The following USH2A variants were observed in gnomAD, a reference collection of about 807,000 sequenced individuals.
USH2A encodes the protein usherin.
A neutral mutation model predicts 538.9 loss-of-function variants in USH2A; 443 were observed. The ratio of observed to expected loss-of-function variants is 0.82; its 90% CI spans 0.76 to 0.89. USH2A has a LOEUF of 0.89. Among genes scored for constraint, USH2A ranks in the 40% least tolerant of loss-of-function variants. The pLI is 0.00. For synonymous variants in USH2A, 2,413 were observed against 2,273.5 expected, an observed-to-expected ratio of 1.06 and a Z score of -1.75; for missense variants, 6,633 against 6,324.8, an observed-to-expected ratio of 1.05 and a Z score of -1.65.
In USH2A at chr1:216,012,121, G is replaced by C. The variant is rs1243670799; in HGVS notation, c.6326-11559C>G. ...CCTGCCTCAGCCTCCCCAGTAGCTG[G>C]GACTACAGGCGCCCACGCTTGATTT... On this transcript the variant is annotated intron_variant, in intron 32 of 71. Transcript: ENST00000307340. Among the ~76,000 whole-genome samples, 45 of 45,766 alleles carry C rather than the reference G, an allele frequency of 9.8e-4. 19 individuals are homozygous for C. 30.0% of individuals were successfully genotyped at this position (45,766 alleles called of 152,430 possible).
intron 15 of USH2A, among the ~76,000 whole-genome samples, chr1:216,210,129 C>A (rs181046646): frequency 2.0e-5 from 3 of 152,188 alleles, no homozygotes; most frequent in African/African-American, 7.2e-5. Context: ...TGCAGGGTTT[C>A]CCCACTCAGT....
At chr1:215,814,537 C>T (rs1334015022) in intron 48 of USH2A, among the ~76,000 whole-genome samples, 1 of 151,914 alleles carries the variant, frequency 6.6e-6, no homozygotes, top group African/African-American at 2.4e-5. Context: ...AGGAAAGAGA[C>T]TTTTATTGTA....
intron 9 of USH2A, among the ~76,000 whole-genome samples, chr1:216,313,118 CAGA>C (rs1401309988): frequency 6.6e-6 from 1 of 152,154 alleles, no homozygotes; most frequent in Non-Finnish European, 1.5e-5. Flanking sequence ...CAGGAATTCT[CAGA>C]AGGAGTGCAC....
intron 16 of USH2A, among the ~76,000 whole-genome samples, chr1:216,204,704 T>C (rs2035074298): frequency 6.6e-6 from 1 of 152,200 alleles, no homozygotes; most frequent in Non-Finnish European, 1.5e-5. Flanking sequence ...TGAATATAAG[T>C]AGTGTTTCCT....
At chr1:216,298,353 T>C (rs1339783592) in intron 9 of USH2A, among the ~76,000 whole-genome samples, 1 of 152,230 alleles carries the variant, frequency 6.6e-6, no homozygotes, top group African/African-American at 2.4e-5. Flanking sequence ...TTTTTGCTTT[T>C]TGATTATAAT....
Position 215,674,557 on chromosome 1 carries a change from A to C in USH2A, c.13354T>G (p.Leu4452Val). 1.2e-6 allele frequency: 2 copies of C among 1,613,946 alleles called. 1 individual carries two copies. The highest frequency in any genetic ancestry group is 2.2e-5 in the South Asian group (2 of 91,068). The change falls in exon 63 of 72, where the codon TTG (leucine) becomes GTG (valine). Residue 4452 changes from leucine to valine, a missense_variant. By Grantham distance (32) the Leu-to-Val change is conservative. Transcript: ENST00000307340. ...ALPENMDSPT[L>V]QVTGSESIEI... ...ATTGATTCTGAGCCTGTGACTTGCA[A>C]TGTTGGAGAGTCCATGTTCTCTGGC...
intron 21 of USH2A, among the ~76,000 whole-genome samples, chr1:216,114,244 A>T (rs970935057): frequency 5.3e-5 from 8 of 151,924 alleles, no homozygotes; most frequent in Non-Finnish European, 1.0e-4. Context: ...ATCTTATTGT[A>T]CTTCTGTTAT....
At chr1:215,909,022 T>A (rs146691168) in intron 38 of USH2A, among the ~76,000 whole-genome samples, 14 of 149,552 alleles carry the variant, frequency 9.4e-5, no homozygotes, top group South Asian at 8.3e-4. Flanking sequence ...TCATTAAATA[T>A]ATTATATATC....
Position 216,083,705 on chromosome 1 carries a change from G to T in USH2A, c.5168-119C>A, listed in dbSNP as rs559917458. 3.8e-4 allele frequency: 384 copies of T among 1,004,554 alleles called. No individual in the cohort carries two copies. In the African/African-American group the frequency reaches 5.6e-3, roughly 15 times the overall value. 62.2% of individuals were successfully genotyped at this position (1,004,554 alleles called of 1,614,324 possible). ...CTGAGTAAATCTCACAAAAGAAGAT[G>T]CAAATCAATGTTAAGAAATTCCTTT... On this transcript the variant is annotated intron_variant, in intron 25 of 71. Coordinates refer to ENST00000307340, the MANE Select transcript of USH2A (RefSeq NM_206933.4).
At chr1:215,639,123 G>A (rs1656593200) in intron 69 of USH2A, 32 bp downstream of exon 69, 1 of 1,599,830 alleles carries the variant, frequency 6.3e-7, no homozygotes, top group South Asian at 1.1e-5. Flanking sequence ...AGATGAATAG[G>A]TGCTACGCCA....
At chr1:216,376,293 A>G (rs10495022) in intron 3 of USH2A, among the ~76,000 whole-genome samples, 17,328 of 152,170 alleles carry the variant, frequency 0.11, 2,912 homozygotes, top group African/African-American at 0.37. Context: ...ACTACTGGAC[A>G]CTCATTTAAT....
chr1:215,987,085 T>G (rs1182058438), intron 35 of USH2A, among the ~76,000 whole-genome samples: 1 of 152,212 alleles, frequency 6.6e-6, no homozygotes. Flanking sequence ...GTTTAAAATG[T>G]CACTGTAAAT....
At chr1:216,208,945 C>G (rs1347051250) in intron 15 of USH2A, among the ~76,000 whole-genome samples, 1 of 152,170 alleles carries the variant, frequency 6.6e-6, no homozygotes, top group Non-Finnish European at 1.5e-5. Flanking sequence ...TGAGCAGCCT[C>G]TATCTGGCAT....
chr1:215,714,289 T>C (rs773054068), intron 61 of USH2A, among the ~76,000 whole-genome samples: 3 of 151,956 alleles, frequency 2.0e-5, no homozygotes, highest in Non-Finnish European at 2.9e-5. Context: ...ATAGAAAGTG[T>C]GTGTGAGGGA....
intron 9 of USH2A, among the ~76,000 whole-genome samples, chr1:216,303,770 G>A (rs1571681703): frequency 2.0e-5 from 3 of 151,910 alleles, no homozygotes; most frequent in African/African-American, 7.2e-5. Flanking sequence ...CACAAATGAA[G>A]GTCCTTCAAT....
Position 216,084,996 on chromosome 1 carries a change from C to A in USH2A, c.4988-119G>T, listed in dbSNP as rs561993176. On this transcript the variant is annotated intron_variant, in intron 24 of 71. Coordinates refer to ENST00000307340, the MANE Select transcript of USH2A (RefSeq NM_206933.4). ...ACTAGCTCTCACTACCTATTTACTG[C>A]AAGCCTCTTAATGATTCATGTAAAC... 170 of 916,124 alleles carry A rather than the reference C, an allele frequency of 1.9e-4. No individual in the cohort carries two copies. The African/African-American group carries it at 2.6e-3, about 14-fold the overall frequency. The allele number at this position is 916,124 out of a possible 1,614,324, so 56.7% of individuals were successfully genotyped here.
intron 21 of USH2A, among the ~76,000 whole-genome samples, chr1:216,167,957 G>T (rs2034203364): frequency 6.6e-6 from 1 of 152,096 alleles, no homozygotes; most frequent in Admixed American, 6.6e-5. Context: ...TTTTGACAAT[G>T]ATGTTCCCAG....
At chr1:216,415,286 A>G (rs2039557772) in intron 3 of USH2A, among the ~76,000 whole-genome samples, 1 of 152,084 alleles carries the variant, frequency 6.6e-6, no homozygotes, top group Admixed American at 6.6e-5. Flanking sequence ...TAAATAGGAA[A>G]ACTGAGTCAA....
intron 3 of USH2A, among the ~76,000 whole-genome samples, chr1:216,404,056 T>C (rs1026317741): frequency 2.6e-5 from 4 of 152,172 alleles, no homozygotes; most frequent in Admixed American, 2.6e-4. Flanking sequence ...CTTTTCTTTA[T>C]AAATTACCCA....
Sources: allele counts gnomAD v4.1 joint callset (sites outside exome capture counted in the v4.1 genomes callset), GRCh38; gene constraint gnomAD v4.1.1; transcripts MANE v1.5; gene names NCBI Gene and HGNC (gene_info 2026-07-23, HGNC 2026-07-21).